BEND3: variants seen among roughly 807,000 people sequenced by gnomAD.
The protein encoded by BEND3 is BEN domain containing 3, also known as BEN domain-containing protein 3.
BEND3 carries 13 observed loss-of-function variants against 60.1 expected under a neutral mutation model. The ratio of observed to expected loss-of-function variants is 0.22; its 90% CI spans 0.14 to 0.34. BEND3 has a LOEUF of 0.34. Among genes scored for constraint, BEND3 ranks in the 10% least tolerant of loss-of-function variants. The probability of loss-of-function intolerance (pLI) is 1.00; values close to 1 mark genes in which losing one functional copy is unlikely to be tolerated. For missense variants in BEND3, 896 were observed against 1,138.1 expected, an observed-to-expected ratio of 0.79 and a Z score of 3.06; for synonymous variants, 497 against 491.5, an observed-to-expected ratio of 1.01 and a Z score of -0.15.
At position 107,069,537 on chromosome 6, in the gene BEND3, C is replaced by T. The variant is rs782626996; in HGVS notation, c.1654G>A (p.Asp552Asn). The T allele has an allele frequency of 1.1e-5, 18 of 1,612,894 alleles. No individual in the cohort carries two copies. The highest frequency in any genetic ancestry group is 6.6e-5 in the South Asian group (6 of 91,086). ...AGCTGCTCCTTGCTGAGCAGGCAGT[C>T]GGCACCGGGCACCTCGAAGTCAGGC... Reference protein sequence around the residue: ...PQPDFEVPGADCLLSKEQLRS... With the variant: ...PQPDFEVPGANCLLSKEQLRS... Residue 552 changes from aspartate to asparagine, a missense_variant, in exon 4 of 4, where the codon GAC becomes AAC. Asp to Asn is a conservative substitution (Grantham distance 23, BLOSUM62 1). Coordinates refer to ENST00000369042, the MANE Select transcript of BEND3 (RefSeq NM_001367314.1).
chr6:107,077,786 G>A (rs1484935858), intron 3 of BEND3, among the ~76,000 whole-genome samples: 2 of 152,116 alleles, frequency 1.3e-5, no homozygotes, highest in South Asian at 2.1e-4. Flanking sequence ...ACCTATCTGC[G>A]ATAGTTGTTG....
At chr6:107,097,971 G>T (rs1486102839) in intron 3 of BEND3, among the ~76,000 whole-genome samples, 1 of 151,884 alleles carries the variant, frequency 6.6e-6, no homozygotes, top group Non-Finnish European at 1.5e-5. Flanking sequence ...AATTTGTTTG[G>T]ATCTGCCCTA....
At chr6:107,078,583 G>A (rs377051431) in intron 3 of BEND3, among the ~76,000 whole-genome samples, 1 of 15,302 alleles carries the variant, frequency 6.5e-5, no homozygotes, top group Non-Finnish European at 1.4e-4. Flanking sequence ...GCCTCCCAAA[G>A]TGCTGGGATT....
In BEND3 at chr6:107,112,602, C is replaced by A. The variant is rs906573037; in HGVS notation, c.-12+2488G>T. 5.3e-4 allele frequency among the ~76,000 whole-genome samples: 81 copies of A among 152,200 alleles called. 1 individual carries two copies. The highest frequency in any genetic ancestry group is 1.8e-3 in the African/African-American group (73 of 41,534). On this transcript the variant is annotated intron_variant, in intron 1 of 3. Transcript: ENST00000369042. ...GGCGTGGTGGTACACGTCTGTAATC[C>A]CAGCACTTTGGGAGGCCGAAGCTGG...
At chr6:107,079,360 C>T (rs1316238956) in intron 3 of BEND3, among the ~76,000 whole-genome samples, 1 of 152,172 alleles carries the variant, frequency 6.6e-6, no homozygotes, top group Admixed American at 6.5e-5. Flanking sequence ...TCTGGTACAC[C>T]AAGGCAAGAA....
chr6:107,103,691 G>A (rs1554236984), intron 1 of BEND3, among the ~76,000 whole-genome samples: 1 of 152,224 alleles, frequency 6.6e-6, no homozygotes, highest in Non-Finnish European at 1.5e-5. Context: ...GCACACGCCT[G>A]TAATCCCAGG....
Position 107,099,256 on chromosome 6 carries a change from T to C in BEND3, c.30A>G (p.Val10=). The C allele has an allele frequency of 6.2e-7, 1 of 1,610,978 alleles. No individual in the cohort carries two copies. Among genetic ancestry groups the C allele is most frequent in the Non-Finnish European group, 8.5e-7 (1 of 1,177,402 alleles). MNSTEFTED[V]EEVLKSITVK... ...AGGGCATTTTTTTTTTACCTTCTTC[T>C]ACATCTTCGGTGAATTCAGTTGAGT... Residue 10 remains valine (V), a synonymous_variant, in exon 2 of 4, where the codon GTA becomes GTG. Coordinates refer to ENST00000369042, the MANE Select transcript of BEND3 (RefSeq NM_001367314.1).
chr6:107,083,120 G>C (rs566847230), intron 3 of BEND3, among the ~76,000 whole-genome samples: 3 of 152,238 alleles, frequency 2.0e-5, no homozygotes, highest in Admixed American at 6.5e-5. Context: ...ATAAAATATG[G>C]TTAAGCTATT....
Position 107,070,783 on chromosome 6 carries a change from G to A in BEND3, c.408C>T (p.His136=). The change falls in exon 4 of 4, where the codon CAC becomes CAT. Residue 136 remains histidine (H), a synonymous_variant. Transcript: ENST00000369042. The surrounding 1 kb of genome is among the most constrained non-coding windows in gnomAD (Gnocchi z 6.9). ...SYKKPLYGIS[H]KIMEKKNPPS... ...GAGGATTCTTCTTCTCCATGATCTT[G>A]TGCGAGATGCCATACAGAGGCTTCT... is the stretch of plus-strand genomic sequence containing the variant. 6.2e-7 allele frequency: 1 copy of A among 1,614,110 alleles called. No homozygotes were observed. Among genetic ancestry groups the A allele is most frequent in the Admixed American group, 1.7e-5 (1 of 60,014 alleles).
At position 107,070,968 on chromosome 6, in the gene BEND3, T is replaced by C. The variant is rs1774968045; in HGVS notation, c.241-18A>G. On this transcript the variant is annotated intron_variant, in intron 3 of 3. Transcript: ENST00000369042. This position sits in a 1 kb window ranked among gnomAD's most constrained non-coding sequence, Gnocchi z 6.9. ...AGGAGAGCCTGCAAAACAAAAATCA[T>C]TTCCCAGAGTGTTAGGTGGGTGCTG... is the stretch of plus-strand genomic sequence containing the variant. 6.3e-7 allele frequency: 1 copy of C among 1,590,104 alleles called. No individual in the cohort carries two copies. Among genetic ancestry groups the C allele is most frequent in the South Asian group, 1.1e-5 (1 of 87,246 alleles).
rs4946811 is a variant in BEND3 at position 107,099,312 on chromosome 6, A to T, written c.-11-16T>A. ...TTCTATTCCGCTAAATAAAAAGACA[A>T]AGACAATGTGTTGACTTATTGCTTG... On this transcript the variant is annotated splice_polypyrimidine_tract_variant and intron_variant, in intron 1 of 3. Coordinates refer to ENST00000369042, the MANE Select transcript of BEND3 (RefSeq NM_001367314.1). 1.3e-6 allele frequency: 2 copies of T among 1,596,456 alleles called. No homozygotes were observed. Among genetic ancestry groups the T allele is most frequent in the East Asian group, 2.2e-5 (1 of 44,762 alleles).
At chr6:107,088,770 G>A (rs1775409650) in intron 3 of BEND3, among the ~76,000 whole-genome samples, 1 of 152,178 alleles carries the variant, frequency 6.6e-6, no homozygotes, top group East Asian at 1.9e-4. Flanking sequence ...TGCCAAAAGT[G>A]AACAATCTGA....
chr6:107,111,494 G>C (rs1554238407), intron 1 of BEND3, among the ~76,000 whole-genome samples: 1 of 135,266 alleles, frequency 7.4e-6, no homozygotes, highest in Admixed American at 8.1e-5. Flanking sequence ...CTGGGTGACA[G>C]AGTGAGACTG....
chr6:107,070,577 G>A lies in BEND3; in HGVS notation c.614C>T (p.Thr205Ile), dbSNP rs368253547. ...LIQKMFYMLN[T>I]LTSNMSQLHS... ...CAGCTGGGACATGTTGGACGTGAGG[G>A]TGTTCAGCATGTAGAACATCTTCTG... The change falls in exon 4 of 4, where the codon ACC becomes ATC. Residue 205 changes from threonine to isoleucine, a missense_variant. Thr to Ile is a moderately conservative substitution (Grantham distance 89). Around this residue, in one of 4 missense-constraint regions of BEND3, gnomAD observed 846 missense variants for 1,036.7 expected, o/e 0.82. Transcript: ENST00000369042. This position sits in a 1 kb window ranked among gnomAD's most constrained non-coding sequence, Gnocchi z 6.9. The A allele has an allele frequency of 6.2e-7, 1 of 1,612,826 alleles. No homozygotes were observed. The highest frequency in any genetic ancestry group is 8.5e-7 in the Non-Finnish European group (1 of 1,180,032).
chr6:107,071,007 T>A, intron 3 of BEND3, 57 bp from the exon 4 acceptor site: 1 of 1,495,298 alleles, frequency 6.7e-7, no homozygotes. Context: ...TTTATGACAC[T>A]AAACAAGGGT....
Position 107,070,010 on chromosome 6 carries a change from G to A in BEND3, c.1181C>T (p.Thr394Met), listed in dbSNP as rs782277101. ...STIASDHVVD[T>M]QDLTEFLDEA... ...GTCCAGGAACTCAGTGAGGTCCTGC[G>A]TGTCCACCACGTGGTCTGAGGCGAT... The change falls in exon 4 of 4, where the codon ACG (threonine) becomes ATG (methionine). Residue 394 changes from threonine to methionine, a missense_variant. Thr to Met is a moderately conservative substitution (Grantham distance 81). Coordinates refer to ENST00000369042, the MANE Select transcript of BEND3 (RefSeq NM_001367314.1). This position sits in a 1 kb window ranked among gnomAD's most constrained non-coding sequence, Gnocchi z 6.9. 6.2e-6 allele frequency: 10 copies of A among 1,613,662 alleles called. No homozygotes were observed. Among genetic ancestry groups the A allele is most frequent in the Admixed American group, 1.7e-5 (1 of 60,000 alleles).
chr6:107,090,738 A>G (rs1362467029), intron 3 of BEND3, among the ~76,000 whole-genome samples: 4 of 152,204 alleles, frequency 2.6e-5, no homozygotes, highest in African/African-American at 9.7e-5. Flanking sequence ...AGTTGTAAAT[A>G]TATGTTGCAA....
At position 107,089,150 on chromosome 6, in the gene BEND3, A is replaced by C. The variant is rs1367939530; in HGVS notation, c.240+9401T>G. Among the ~76,000 whole-genome samples, 5 of 151,274 alleles carry C rather than the reference A, an allele frequency of 3.3e-5. No homozygotes were observed. In the East Asian group the frequency reaches 9.7e-4, roughly 29 times the overall value. On this transcript the variant is annotated intron_variant, in intron 3 of 3. Coordinates refer to ENST00000369042, the MANE Select transcript of BEND3 (RefSeq NM_001367314.1). ...GAGACTCCGTCTCAAAAAAAAAAAA[A>C]AGTGAAATATCTCTACAATGAAAAC...
intron 1 of BEND3, among the ~76,000 whole-genome samples, chr6:107,112,811 C>T (rs1554238659): frequency 2.0e-5 from 3 of 149,698 alleles, no homozygotes; most frequent in Non-Finnish European, 4.4e-5. Context: ...CAAGATCAGA[C>T]CATTGCAATC....
Sources: gnomAD v4.1 joint callset for allele counts (sites outside exome capture counted in the v4.1 genomes callset) on GRCh38, gnomAD v4.1.1 for gene constraint, gnomAD v4.1.1 regional missense constraint, Gnocchi (gnomAD v3.1) non-coding constraint, MANE v1.5 for transcripts, NCBI Gene and HGNC (gene_info 2026-07-23, HGNC 2026-07-21) for gene names.